Variants in FBXL20 observed in about 807,000 individuals in gnomAD.
FBXL20 encodes F-box/LRR-repeat protein 20.
Under a neutral mutation model 64.0 loss-of-function variants are expected in FBXL20, and 11 were observed. The observed-to-expected ratio is 0.17, with a 90% confidence interval of 0.11 to 0.28. The LOEUF (loss-of-function observed/expected upper bound fraction) is 0.28. FBXL20 is among the 10% of genes least tolerant of loss of function. The pLI is 1.00. For missense variants in FBXL20, 303 were observed against 526.2 expected (o/e 0.58, Z 4.15); for synonymous variants, 184 against 189.0 (o/e 0.97, Z 0.22).
rs1195345888 is a variant in FBXL20, at chr17:39,298,973, AATAGTT to A, written c.329+11_329+16del. On this transcript the variant is annotated intron_variant, in intron 5 of 14. Transcript: ENST00000264658. The stretch of plus-strand genomic sequence containing the variant: ...TTCACTTCCATCAAGAAGATTAATC[AATAGTT>A]ATGTTTTTACCTTAATGCATTGTCT... The A allele has an allele frequency of 6.3e-7, 1 of 1,594,092 alleles. No individual in the cohort carries two copies. Among genetic ancestry groups the A allele is most frequent in the East Asian group, 2.2e-5 (1 of 44,734 alleles).
intron 2 of FBXL20, among the ~76,000 whole-genome samples, chr17:39,312,445 T>C (rs1341371809): frequency 6.7e-6 from 1 of 148,766 alleles, no homozygotes; most frequent in Non-Finnish European, 1.5e-5. Flanking sequence ...AACTTAGTCT[T>C]TACAGTTCTA....
intron 11 of FBXL20, 148 bp from the exon 12 acceptor site, chr17:39,269,019 CTTTCT>C (rs1311922448): frequency 4.2e-6 from 3 of 708,808 alleles, no homozygotes; most frequent in South Asian, 3.7e-5. Flanking sequence ...ATTTTTTTTT[CTTTCT>C]TTTGAGACAA....
intron 2 of FBXL20, among the ~76,000 whole-genome samples, chr17:39,339,821 G>A (rs896987095): frequency 2.0e-5 from 3 of 150,110 alleles, no homozygotes; most frequent in Non-Finnish European, 3.0e-5. Context: ...TTTTTTTTTT[G>A]TATTTTAGTA....
intron 2 of FBXL20, among the ~76,000 whole-genome samples, chr17:39,337,965 C>T (rs1485366874): frequency 3.3e-5 from 5 of 151,518 alleles, no homozygotes; most frequent in Admixed American, 6.6e-5. Context: ...AGGTGAGGGG[C>T]GCCTCTGCCC....
rs2048000506 is a variant in FBXL20 at position 39,379,350 on chromosome 17, C to T, written c.42+22011G>A. On this transcript the variant is annotated intron_variant, in intron 1 of 14. Coordinates refer to ENST00000264658, the MANE Select transcript of FBXL20 (RefSeq NM_032875.3). Reference sequence around the variant, plus strand: ...ACAATGATGTAACTGCTGTGGGAAACACTTTGGTGATTCCTTAAAAAGTCA... The same window carrying T: ...ACAATGATGTAACTGCTGTGGGAAATACTTTGGTGATTCCTTAAAAAGTCA... Among the ~76,000 whole-genome samples the T allele has an allele frequency of 2.0e-5, 3 of 151,872 alleles. No homozygotes were observed. The South Asian group carries it at 6.2e-4, about 31-fold the overall frequency.
intron 2 of FBXL20, among the ~76,000 whole-genome samples, chr17:39,335,264 C>G (rs990665180): frequency 6.6e-6 from 1 of 152,026 alleles, no homozygotes; most frequent in Non-Finnish European, 1.5e-5. Context: ...TACCCCCACC[C>G]CACGAAATGC....
At chr17:39,382,723 G>A (rs776054327) in intron 1 of FBXL20, among the ~76,000 whole-genome samples, 19 of 151,704 alleles carry the variant, frequency 1.3e-4, no homozygotes, top group South Asian at 2.1e-4. Flanking sequence ...CACCTGTAGC[G>A]CAGCTACTCG....
intron 2 of FBXL20, among the ~76,000 whole-genome samples, chr17:39,317,324 G>A (rs533019506): frequency 1.4e-4 from 22 of 151,820 alleles, no homozygotes; most frequent in African/African-American, 4.1e-4. Flanking sequence ...CTCCGCTTCC[G>A]GGGTTCAACT....
intron 13 of FBXL20, 125 bp downstream of exon 13, chr17:39,265,272 T>G (rs1254495708): frequency 1.5e-6 from 1 of 669,658 alleles, no homozygotes; most frequent in Admixed American, 2.9e-5. Flanking sequence ...CTCAGTAAGC[T>G]GGCAGTTTGA....
chr17:39,340,190 G>A (rs1242372508), intron 2 of FBXL20, among the ~76,000 whole-genome samples: 4 of 151,612 alleles, frequency 2.6e-5, no homozygotes, highest in South Asian at 2.1e-4. Flanking sequence ...TCTGCCTCCC[G>A]GGTTCAAGCG....
chr17:39,376,178 G>T (rs1391125505), intron 1 of FBXL20, among the ~76,000 whole-genome samples: 1 of 151,854 alleles, frequency 6.6e-6, no homozygotes, highest in Non-Finnish European at 1.5e-5. Flanking sequence ...TGAGGGAATG[G>T]AACAGATCTG....
chr17:39,286,832 C>T (rs2046992622), intron 6 of FBXL20, among the ~76,000 whole-genome samples: 1 of 151,794 alleles, frequency 6.6e-6, no homozygotes, highest in Admixed American at 6.6e-5. Flanking sequence ...ATCTCTTCTT[C>T]CCCCCTTTTT....
intron 1 of FBXL20, among the ~76,000 whole-genome samples, chr17:39,386,492 C>T (rs1041431575): frequency 4.0e-5 from 6 of 151,038 alleles, no homozygotes; most frequent in African/African-American, 1.5e-4. Context: ...GAAGTGGTAG[C>T]GTGCGCCTGT....
intron 6 of FBXL20, among the ~76,000 whole-genome samples, chr17:39,286,013 G>T (rs539519128): frequency 6.6e-6 from 1 of 152,288 alleles, no homozygotes; most frequent in East Asian, 1.9e-4. Context: ...TAACACTAAT[G>T]TAGGAACTGG....
chr17:39,268,519 G>A (rs932002794), intron 12 of FBXL20, among the ~76,000 whole-genome samples: 2 of 152,068 alleles, frequency 1.3e-5, no homozygotes, highest in African/African-American at 4.8e-5. Context: ...CAGTGTGATG[G>A]GGCTTTAATT....
At chr17:39,323,778 CTT>C (rs375479842) in intron 2 of FBXL20, among the ~76,000 whole-genome samples, 3 of 144,500 alleles carry the variant, frequency 2.1e-5, no homozygotes, top group Non-Finnish European at 1.5e-5. Flanking sequence ...CTTCTGTTTT[CTT>C]TTTTTTTTTT....
Position 39,270,868 on chromosome 17 carries a change from A to G in FBXL20, c.828-12T>C. On this transcript the variant is annotated splice_polypyrimidine_tract_variant and intron_variant, in intron 10 of 14. Transcript: ENST00000264658. ...CCACTTCCAATATTCTGTTAAAAAA[A>G]AAAAAAAAACAGTGAAAGTCAAGCT... 6.3e-7 allele frequency: 1 copy of G among 1,586,378 alleles called. No individual in the cohort carries two copies. The highest frequency in any genetic ancestry group is 8.6e-7 in the Non-Finnish European group (1 of 1,167,780).
At chr17:39,285,704 C>G (rs2046983182) in intron 6 of FBXL20, 131 bp from the exon 7 acceptor site, 1 of 419,902 alleles carries the variant, frequency 2.4e-6, no homozygotes, top group Non-Finnish European at 4.1e-6. Flanking sequence ...CCTAAAAAAG[C>G]AGTTATATAT....
intron 2 of FBXL20, among the ~76,000 whole-genome samples, chr17:39,335,562 AAC>A (rs758382863): frequency 6.6e-4 from 96 of 146,162 alleles, no homozygotes; most frequent in Non-Finnish European, 1.2e-3. Flanking sequence ...CAGCCTGGGC[AAC>A]AGAGTGAGAC....
Sources: gnomAD v4.1 joint callset for allele counts (sites outside exome capture counted in the v4.1 genomes callset) on GRCh38, gnomAD v4.1.1 for gene constraint, MANE v1.5 for transcripts, NCBI Gene and HGNC (gene_info 2026-07-23, HGNC 2026-07-21) for gene names.